The following FAAP100 variants were observed in gnomAD, a reference collection of about 807,000 sequenced individuals.
The protein encoded by FAAP100 is Fanconi anemia core complex-associated protein 100.
FAAP100 carries 46 observed loss-of-function variants against 65.8 expected under a neutral mutation model. The ratio of observed to expected loss-of-function variants is 0.70; its 90% CI spans 0.55 to 0.89. The LOEUF (loss-of-function observed/expected upper bound fraction) is 0.89, where lower values mean the gene tolerates loss of function less well. Ranked by LOEUF, FAAP100 falls within the 40% of genes least tolerant of loss-of-function variation. The pLI is 0.00. For missense variants in FAAP100, 1,165 were observed against 1,196.7 expected (o/e 0.97, Z 0.39); for synonymous variants, 663 against 555.1 (o/e 1.19, Z -2.73).
Position 81,547,158 on chromosome 17 carries a change from G to C in FAAP100, c.1924C>G (p.Leu642Val). The C allele has an allele frequency of 6.5e-7, 1 of 1,542,982 alleles. No homozygotes were observed. The highest frequency in any genetic ancestry group is 8.8e-7 in the Non-Finnish European group (1 of 1,142,722). The part of the protein sequence containing the change: ...LPEQEGVCLP[L>V]SRHTVDMLQC... Reference sequence around the variant, plus strand: ...AGCATGTCCACTGTGTGCCTGCTCAGGGGCAGGCAAACACCCTCTTGCTCG... The same window carrying C: ...AGCATGTCCACTGTGTGCCTGCTCACGGGCAGGCAAACACCCTCTTGCTCG... The change falls in exon 5 of 9, where the codon CTG becomes GTG. Residue 642 changes from leucine (L) to valine (V), a missense_variant. By Grantham distance (32) the Leu-to-Val change is conservative. Coordinates refer to ENST00000327787, the MANE Select transcript of FAAP100 (RefSeq NM_025161.6).
At chr17:81,549,641 G>C (rs1469232429) in intron 3 of FAAP100, among the ~76,000 whole-genome samples, 4 of 152,250 alleles carry the variant, frequency 2.6e-5, no homozygotes, top group African/African-American at 7.2e-5. Context: ...TGCTGTGTAT[G>C]TATTTTCTGT....
intron 2 of FAAP100, chr17:81,551,600 C>T: frequency 4.9e-6 from 5 of 1,029,402 alleles, no homozygotes; most frequent in Non-Finnish European, 3.8e-6. Context: ...GTCACGGTGC[C>T]TTTGCTGTCT....
chr17:81,550,273 C>T lies in FAAP100; in HGVS notation c.1221G>A (p.Leu407=). ...CTTCATGCGTCCTGGGAGACGCGGA[C>T]AGCGAGACGACACTGCAGATGTTCA... The part of the protein sequence containing the change: ...ASLNICSVVS[L]SASPRTHEGG... Residue 407 remains leucine (L), a synonymous_variant, in exon 3 of 9, where the codon CTG becomes CTA. Transcript: ENST00000327787. The T allele has an allele frequency of 6.2e-7, 1 of 1,607,338 alleles. No individual in the cohort carries two copies. Among genetic ancestry groups the T allele is most frequent in the Non-Finnish European group, 8.5e-7 (1 of 1,176,544 alleles).
Position 81,540,853 on chromosome 17 carries a change from C to G in FAAP100, c.2612G>C (p.Arg871Pro), listed in dbSNP as rs757729220. ...ATAQRLLQVY[R>P]QLRHPSLILL ...GATGAGGCTGGGGTGGCGCAGCTGC[C>G]GGTACACCTGTAGCAGCCTCTGGGC... The change falls in exon 9 of 9, where the codon CGG becomes CCG. Residue 871 changes from arginine (R) to proline (P), a missense_variant. By Grantham distance (103) the Arg-to-Pro change is moderately radical. Coordinates refer to ENST00000327787, the MANE Select transcript of FAAP100 (RefSeq NM_025161.6). 1.3e-6 allele frequency: 2 copies of G among 1,546,564 alleles called. No homozygotes were observed. Among genetic ancestry groups the G allele is most frequent in the Non-Finnish European group, 1.7e-6 (2 of 1,148,752 alleles).
At chr17:81,551,773 G>A in intron 2 of FAAP100, 155 bp downstream of exon 2, 2 of 1,376,430 alleles carry the variant, frequency 1.5e-6, no homozygotes, top group Non-Finnish European at 1.9e-6. Flanking sequence ...AGTGCTGGGG[G>A]CAGGGGCTCC....
intron 5 of FAAP100, chr17:81,546,284 C>A: frequency 5.2e-6 from 1 of 191,232 alleles, no homozygotes; most frequent in Non-Finnish European, 1.1e-5. Context: ...AAATACCCAT[C>A]TGCAGCAGAA....
chr17:81,541,064 C>G (rs752382951), intron 8 of FAAP100, 114 bp from the exon 9 acceptor site: 1 of 1,336,008 alleles, frequency 7.5e-7, no homozygotes, highest in Non-Finnish European at 1.0e-6. Flanking sequence ...GCAGGTGGTC[C>G]GAGGAAGAAC....
At chr17:81,544,937 G>C (rs1156743371) in intron 6 of FAAP100, among the ~76,000 whole-genome samples, 1 of 152,172 alleles carries the variant, frequency 6.6e-6, no homozygotes, top group Non-Finnish European at 1.5e-5. Context: ...GAGAGGGTGA[G>C]GTGGGCGGAT....
chr17:81,544,600 C>T (rs1005903840), intron 6 of FAAP100, among the ~76,000 whole-genome samples: 1 of 152,126 alleles, frequency 6.6e-6, no homozygotes, highest in Non-Finnish European at 1.5e-5. Context: ...CTATGGGACA[C>T]CCACCTGTCC....
At position 81,551,138 on chromosome 17, in the gene FAAP100, T is replaced by G. The variant is rs1165908947; in HGVS notation, c.356A>C (p.Asp119Ala). 6.5e-7 allele frequency: 1 copy of G among 1,549,486 alleles called. No homozygotes were observed. The highest frequency in any genetic ancestry group is 2.4e-5 in the East Asian group (1 of 40,910). Residue 119 changes from aspartate (D) to alanine (A), a missense_variant, in exon 3 of 9, where the codon GAC (aspartate) becomes GCC (alanine). Transcript: ENST00000327787. ...GDQPSPVIPV[D>A]PDACILPDAA... The stretch of plus-strand genomic sequence containing the variant: ...ATCGGGAAGGATGCAGGCATCGGGG[T>G]CCACAGGGATCACGGGGGAAGGCTG...
intron 5 of FAAP100, 139 bp downstream of exon 5, chr17:81,546,770 A>T (rs968812881): frequency 2.1e-6 from 2 of 939,782 alleles, no homozygotes; most frequent in East Asian, 3.0e-5. Context: ...GAGGAGATCA[A>T]TTGAGGCCAG....
intron 7 of FAAP100, 151 bp from the exon 8 acceptor site, chr17:81,541,546 T>C: frequency 2.9e-6 from 2 of 692,620 alleles, no homozygotes; most frequent in East Asian, 2.7e-5. Context: ...GTTTTCCACC[T>C]TGCTGTTCAT....
intron 5 of FAAP100, 107 bp downstream of exon 5, chr17:81,546,802 C>A: frequency 8.5e-7 from 1 of 1,172,856 alleles, no homozygotes; most frequent in Non-Finnish European, 1.1e-6. Context: ...TGCAGTGAGC[C>A]ATGATTGCAC....
rs767417718 is a variant in FAAP100, at chr17:81,549,276, T to C, written c.1333A>G (p.Arg445Gly). The C allele has an allele frequency of 5.0e-6, 8 of 1,613,294 alleles. No homozygotes were observed. Among genetic ancestry groups the C allele is most frequent in the Non-Finnish European group, 6.8e-6 (8 of 1,180,012 alleles). Residue 445 changes from arginine (R) to glycine (G), a missense_variant, in exon 4 of 9, where the codon AGG becomes GGG. Coordinates refer to ENST00000327787, the MANE Select transcript of FAAP100 (RefSeq NM_025161.6). ...TGACCTGCACTCTCTGTGGTCATCC[T>C]GGCTGGGCCAGGCATCTCAGAGTCC... ...DLDSEMPGPA[R>G]MTTESAGQKI...
At chr17:81,548,334 C>A (rs1216017659) in intron 4 of FAAP100, 13 of 325,372 alleles carry the variant, frequency 4.0e-5, no homozygotes, top group Admixed American at 3.4e-4. Context: ...CCGTGCCCCA[C>A]TAGGGAGAAA....
At position 81,546,974 on chromosome 17, in the gene FAAP100, G is replaced by A. The variant is rs1279551858; in HGVS notation, c.2108C>T (p.Pro703Leu). ...CGACACCTTGATGGAAGCCACAGAT[G>A]GGGGCAGGTACTCGGCCCGCAGGGA... ...PASLRAEYLP[P>L]SVASIKVSAE... The change falls in exon 5 of 9, where the codon CCA (proline) becomes CTA (leucine). Residue 703 changes from proline (P) to leucine (L), a missense_variant. Pro to Leu is a moderately conservative substitution (Grantham distance 98). Coordinates refer to ENST00000327787, the MANE Select transcript of FAAP100 (RefSeq NM_025161.6). 1.3e-6 allele frequency: 2 copies of A among 1,483,354 alleles called. No individual in the cohort carries two copies. The highest frequency in any genetic ancestry group is 9.0e-7 in the Non-Finnish European group (1 of 1,115,622). 91.9% of individuals were successfully genotyped at this position (1,483,354 alleles called of 1,614,324 possible).
At chr17:81,543,175 C>A (rs2033180627) in intron 7 of FAAP100, among the ~76,000 whole-genome samples, 1 of 152,188 alleles carries the variant, frequency 6.6e-6, no homozygotes, top group Admixed American at 6.5e-5. Context: ...AGCCACTGTT[C>A]ACAGAAAGGC....
intron 7 of FAAP100, among the ~76,000 whole-genome samples, chr17:81,541,956 AG>A (rs1302155251): frequency 6.6e-6 from 1 of 152,054 alleles, no homozygotes; most frequent in African/African-American, 2.4e-5. Flanking sequence ...ACTTAAGGTC[AG>A]GAGATCGAGA....
intron 7 of FAAP100, 134 bp downstream of exon 7, chr17:81,543,870 A>G (rs1429384662): frequency 1.3e-6 from 1 of 785,122 alleles, no homozygotes; most frequent in Non-Finnish European, 2.0e-6. Context: ...TCAGCGGCAG[A>G]GCAGACTTGG....
Sources: allele counts gnomAD v4.1 joint callset (sites outside exome capture counted in the v4.1 genomes callset), GRCh38; gene constraint gnomAD v4.1.1; transcripts MANE v1.5; gene names NCBI Gene and HGNC (gene_info 2026-07-23, HGNC 2026-07-21).